The following MTUS2 variants were observed in gnomAD, a reference collection of about 807,000 sequenced individuals.
MTUS2 encodes the protein microtubule associated scaffold protein 2, also known as microtubule-associated tumor suppressor candidate 2.
Under a neutral mutation model 114.1 loss-of-function variants are expected in MTUS2, and 40 were observed. The ratio of observed to expected loss-of-function variants is 0.35; its 90% CI spans 0.27 to 0.46. The LOEUF is 0.46. Ranked by LOEUF, MTUS2 falls within the 20% of genes least tolerant of loss-of-function variation. MTUS2 has a pLI of 1.00. For synonymous variants in MTUS2, 688 were observed against 672.0 expected, an observed-to-expected ratio of 1.02 and a Z score of -0.37; for missense variants, 1,679 against 1,705.4, an observed-to-expected ratio of 0.98 and a Z score of 0.27.
At chr13:29,180,236 C>T (rs1012096372) in intron 5 of MTUS2, among the ~76,000 whole-genome samples, 1 of 152,200 alleles carries the variant, frequency 6.6e-6, no homozygotes, top group Admixed American at 6.5e-5. Flanking sequence ...GATCTCTCCA[C>T]TCAGAACTAC....
intron 5 of MTUS2, among the ~76,000 whole-genome samples, chr13:29,217,857 T>C (rs1471896552): frequency 2.0e-5 from 3 of 152,202 alleles, no homozygotes; most frequent in African/African-American, 7.2e-5. Flanking sequence ...CTGGCTCATG[T>C]CTGTAATCTT....
At chr13:29,340,739 G>T (rs1208692581) in intron 7 of MTUS2, among the ~76,000 whole-genome samples, 2 of 152,154 alleles carry the variant, frequency 1.3e-5, no homozygotes, top group African/African-American at 4.8e-5. Flanking sequence ...AGGTCTTGGT[G>T]CACCCATTAC....
chr13:29,092,136 C>T (rs1889982341), intron 4 of MTUS2, among the ~76,000 whole-genome samples: 1 of 152,244 alleles, frequency 6.6e-6, no homozygotes, highest in African/African-American at 2.4e-5. Context: ...ACCACACCTT[C>T]AAGCCAAAGC....
intron 2 of MTUS2, among the ~76,000 whole-genome samples, chr13:28,876,273 T>C (rs1403543862): frequency 1.3e-5 from 2 of 152,226 alleles, no homozygotes; most frequent in Non-Finnish European, 2.9e-5. Flanking sequence ...TTAGAGATTC[T>C]GAAGCAAAGA....
At chr13:28,915,572 G>A (rs1255046897) in intron 2 of MTUS2, among the ~76,000 whole-genome samples, 1 of 151,862 alleles carries the variant, frequency 6.6e-6, no homozygotes, top group Non-Finnish European at 1.5e-5. Context: ...CTTTTCACAA[G>A]CCTGTTTGTT....
At chr13:29,023,721 A>G (rs1196507108) in intron 2 of MTUS2, among the ~76,000 whole-genome samples, 1 of 152,182 alleles carries the variant, frequency 6.6e-6, no homozygotes, top group Non-Finnish European at 1.5e-5. Flanking sequence ...CTCCGCTGAC[A>G]TTTTTTGGGA....
Position 29,503,783 on chromosome 13 carries a change from C to G in MTUS2, c.*577C>G, listed in dbSNP as rs1883066910. On this transcript the variant is annotated 3_prime_UTR_variant, in exon 16 of 16. Transcript: ENST00000612955. ...CAGAGAAGAAGCGCCTTTCAACTCACCACCAAGTGGTACTCTCTTTAACAC... is the reference window on the plus strand; with the variant it reads ...CAGAGAAGAAGCGCCTTTCAACTCAGCACCAAGTGGTACTCTCTTTAACAC... The G allele has an allele frequency of 4.2e-6, 1 of 236,446 alleles. No individual in the cohort carries two copies. Among genetic ancestry groups the G allele is most frequent in the African/African-American group, 2.2e-5 (1 of 45,064 alleles). The allele number at this position is 236,446 out of a possible 1,614,324, so 14.6% of individuals were successfully genotyped here.
At chr13:29,060,543 C>CTTTTTTTTTTTTTT (rs1162860492) in intron 4 of MTUS2, among the ~76,000 whole-genome samples, 2 of 101,194 alleles carry the variant, frequency 2.0e-5, no homozygotes, top group African/African-American at 3.7e-5. Context: ...CCTAGCCCTT[C>CTTTTTTTTTTTTTT]TTTTTTTTTT....
intron 5 of MTUS2, among the ~76,000 whole-genome samples, chr13:29,158,297 G>A (rs1056703225): frequency 4.1e-5 from 6 of 145,422 alleles, no homozygotes; most frequent in Non-Finnish European, 8.9e-5. Context: ...TTTACACCTC[G>A]CCACAATTCC....
chr13:29,225,120 G>A (rs2139337303), intron 5 of MTUS2, among the ~76,000 whole-genome samples: 1 of 152,334 alleles, frequency 6.6e-6, no homozygotes, highest in South Asian at 2.1e-4. Flanking sequence ...ACCCTGGGCA[G>A]CAGAGCACAC....
intron 7 of MTUS2, among the ~76,000 whole-genome samples, chr13:29,342,166 G>GT: frequency 6.6e-6 from 1 of 151,914 alleles, no homozygotes. Context: ...TTTTAGAATT[G>GT]TTTTTTTCTA....
chr13:28,830,509 G>GA (rs71090205), intron 1 of MTUS2, among the ~76,000 whole-genome samples: 152,092 of 152,148 alleles, frequency 1, 76,018 homozygotes, highest in Middle Eastern at 1. Flanking sequence ...TGATTGAAAT[G>GA]AAAAAATTTA....
At chr13:29,363,673 G>C (rs897465065) in intron 8 of MTUS2, among the ~76,000 whole-genome samples, 5 of 152,122 alleles carry the variant, frequency 3.3e-5, no homozygotes, top group African/African-American at 9.7e-5. Context: ...TTAGTTAGGG[G>C]TATGTATATT....
At position 28,961,487 on chromosome 13, in the gene MTUS2, A is replaced by G. The variant is rs551130753; in HGVS notation, c.-242-62970A>G. Among the ~76,000 whole-genome samples the G allele has an allele frequency of 2.3e-3, 344 of 152,256 alleles. 1 individual carries two copies. Among genetic ancestry groups the G allele is most frequent in the African/African-American group, 7.7e-3 (319 of 41,576 alleles). ...GCAAAGTGAAACCTAGACACATTCT[A>G]TTGTACTCCGTTATAATTACTTCCA... is the stretch of plus-strand genomic sequence containing the variant. On this transcript the variant is annotated intron_variant, in intron 2 of 15. Coordinates refer to ENST00000612955, the MANE Select transcript of MTUS2 (RefSeq NM_001033602.4).
At chr13:29,430,775 G>A (rs1208222931) in intron 8 of MTUS2, among the ~76,000 whole-genome samples, 1 of 152,142 alleles carries the variant, frequency 6.6e-6, no homozygotes, top group Non-Finnish European at 1.5e-5. Context: ...TACCTATTGG[G>A]CCAGGTATTG....
chr13:29,412,512 G>C (rs1875329369), intron 8 of MTUS2, among the ~76,000 whole-genome samples: 1 of 152,060 alleles, frequency 6.6e-6, no homozygotes, highest in African/African-American at 2.4e-5. Context: ...AGTGACATTG[G>C]TCTCCAGTTT....
chr13:29,166,058 G>T (rs1296822788), intron 5 of MTUS2, among the ~76,000 whole-genome samples: 1 of 152,114 alleles, frequency 6.6e-6, no homozygotes, highest in Non-Finnish European at 1.5e-5. Context: ...TGATTGTGGT[G>T]GTGACTCATG....
intron 2 of MTUS2, among the ~76,000 whole-genome samples, chr13:29,007,729 G>T (rs745500956): frequency 2.0e-5 from 3 of 152,078 alleles, no homozygotes; most frequent in Non-Finnish European, 2.9e-5. Flanking sequence ...CTTCCTTGGG[G>T]TTTTCTTAAT....
intron 7 of MTUS2, 32 bp downstream of exon 7, chr13:29,324,743 G>T (rs758414389): frequency 6.7e-7 from 1 of 1,501,046 alleles, no homozygotes; most frequent in East Asian, 2.4e-5. Flanking sequence ...TTCCTTGGGG[G>T]AATGACTTGA....
Sources: allele counts gnomAD v4.1 joint callset (sites outside exome capture counted in the v4.1 genomes callset), GRCh38; gene constraint gnomAD v4.1.1; transcripts MANE v1.5; gene names NCBI Gene and HGNC (gene_info 2026-07-23, HGNC 2026-07-21).